Variants in MINDY2 observed in about 807,000 individuals in gnomAD.
MINDY2 encodes the protein MINDY lysine 48 deubiquitinase 2, also known as ubiquitin carboxyl-terminal hydrolase MINDY-2.
In MINDY2, 52 loss-of-function variants were observed where a neutral mutation model predicts 68.2. The ratio of observed to expected loss-of-function variants is 0.76; its 90% CI spans 0.61 to 0.96. The LOEUF is 0.96. Among genes scored for constraint, MINDY2 ranks in the 40% least tolerant of loss-of-function variants. MINDY2 has a pLI of 0.00. For synonymous variants in MINDY2, 372 were observed against 303.0 expected, an observed-to-expected ratio of 1.23 and a Z score of -2.36; for missense variants, 881 against 773.4, an observed-to-expected ratio of 1.14 and a Z score of -1.65.
chr15:58,847,673 G>A (rs1457686836), intron 7 of MINDY2, among the ~76,000 whole-genome samples: 1 of 152,222 alleles, frequency 6.6e-6, no homozygotes, highest in African/African-American at 2.4e-5. Context: ...ATATTGAACT[G>A]TGAAGGTCAT....
intron 1 of MINDY2, among the ~76,000 whole-genome samples, chr15:58,777,237 T>C (rs1429682607): frequency 6.6e-6 from 1 of 152,212 alleles, no homozygotes; most frequent in Non-Finnish European, 1.5e-5. Context: ...AGACTTGGGC[T>C]TTTCTTTCAA....
In MINDY2 at chr15:58,847,453, C is replaced by T. The variant is rs750358484; in HGVS notation, c.1525C>T (p.Gln509Ter). Residue 509 changes from glutamine to a stop codon, truncating the protein, a stop_gained, in exon 7 of 9, where the codon CAA (glutamine) becomes TAA (stop). Coordinates refer to ENST00000559228, the MANE Select transcript of MINDY2 (RefSeq NM_001040450.3). LOFTEE classifies it high-confidence loss of function. Reference protein sequence around the residue: ...SDPETVYKGQQDQIDQDYLMA... With the variant: ...SDPETVYKGQ Reference sequence around the variant, plus strand: ...TCCTGAAACTGTATACAAAGGACAACAAGATCAGATAGATCAGGTAAATTT... The same window carrying T: ...TCCTGAAACTGTATACAAAGGACAATAAGATCAGATAGATCAGGTAAATTT... 6.4e-7 allele frequency: 1 copy of T among 1,572,380 alleles called. No homozygotes were observed. The highest frequency in any genetic ancestry group is 1.7e-5 in the Admixed American group (1 of 59,422).
chr15:58,818,045 T>C (rs2030817578), intron 4 of MINDY2, among the ~76,000 whole-genome samples: 1 of 152,252 alleles, frequency 6.6e-6, no homozygotes, highest in African/African-American at 2.4e-5. Flanking sequence ...TTCTATGGAA[T>C]ACTGTACTAC....
chr15:58,782,249 G>A (rs1305156076), intron 1 of MINDY2, among the ~76,000 whole-genome samples: 1 of 151,888 alleles, frequency 6.6e-6, no homozygotes, highest in Non-Finnish European at 1.5e-5. Context: ...ATATATTCAT[G>A]CTGAATATAT....
chr15:58,810,215 C>T lies in MINDY2; in HGVS notation c.964-15C>T, dbSNP rs1299312777. On this transcript the variant is annotated splice_polypyrimidine_tract_variant and intron_variant, in intron 3 of 8. Coordinates refer to ENST00000559228, the MANE Select transcript of MINDY2 (RefSeq NM_001040450.3). ...GATGTTTCTGAATTAGAACTTTCCCCTTTTCTATTTTCAGAATATGAGTGA... is the reference window on the plus strand; with the variant it reads ...GATGTTTCTGAATTAGAACTTTCCCTTTTTCTATTTTCAGAATATGAGTGA... 6.3e-7 allele frequency: 1 copy of T among 1,584,214 alleles called. No homozygotes were observed. The highest frequency in any genetic ancestry group is 8.6e-7 in the Non-Finnish European group (1 of 1,166,238).
intron 1 of MINDY2, among the ~76,000 whole-genome samples, chr15:58,775,711 G>A (rs1222637240): frequency 2.0e-5 from 3 of 152,164 alleles, no homozygotes; most frequent in Admixed American, 2.0e-4. Context: ...TCCAAAGATA[G>A]GGAAGGTATG....
chr15:58,845,886 C>A (rs1274515733), intron 6 of MINDY2, among the ~76,000 whole-genome samples: 2 of 152,158 alleles, frequency 1.3e-5, no homozygotes, highest in Non-Finnish European at 2.9e-5. Flanking sequence ...GACATCCTGT[C>A]AAATGCAACA....
intron 2 of MINDY2, among the ~76,000 whole-genome samples, chr15:58,799,688 A>T (rs1370552732): frequency 6.6e-6 from 1 of 152,166 alleles, no homozygotes; most frequent in East Asian, 1.9e-4. Flanking sequence ...TTTGATTGGC[A>T]AAGGTTAGAG....
intron 2 of MINDY2, among the ~76,000 whole-genome samples, chr15:58,799,565 C>G (rs1311613745): frequency 1.5e-5 from 2 of 130,130 alleles, no homozygotes; most frequent in African/African-American, 6.3e-5. Context: ...GGCGACAGAG[C>G]GAGACTCCAT....
At chr15:58,783,309 A>T (rs1486963579) in intron 1 of MINDY2, among the ~76,000 whole-genome samples, 4 of 152,168 alleles carry the variant, frequency 2.6e-5, no homozygotes, top group African/African-American at 4.8e-5. Context: ...GAGGTGTTGG[A>T]ACTCAAACTG....
rs369645565 is a variant in MINDY2, at chr15:58,831,015, T to TTGTG, written c.1226-735_1226-732dup. Among the ~76,000 whole-genome samples the TTGTG allele has an allele frequency of 4.6e-3, 611 of 133,502 alleles. 12 individuals carry two copies. Among genetic ancestry groups the TTGTG allele is most frequent in the African/African-American group, 0.012 (399 of 32,530 alleles). 87.6% of individuals were successfully genotyped at this position (133,502 alleles called of 152,430 possible). The stretch of plus-strand genomic sequence containing the variant: ...GATCGATTGTGTATATGAAGATCAG[T>TTGTG]TGTGTGTGTGTGTGTGTGTGTGTGT... On this transcript the variant is annotated intron_variant, in intron 5 of 8. Coordinates refer to ENST00000559228, the MANE Select transcript of MINDY2 (RefSeq NM_001040450.3).
At chr15:58,851,470 T>C (rs1310759132) in intron 7 of MINDY2, among the ~76,000 whole-genome samples, 8 of 152,026 alleles carry the variant, frequency 5.3e-5, no homozygotes, top group Non-Finnish European at 1.0e-4. Flanking sequence ...ACAGGGTCTC[T>C]CTCTGTCACC....
Position 58,847,447 on chromosome 15 carries a change from G to A in MINDY2, c.1519G>A (p.Gly507Arg). Residue 507 changes from glycine (G) to arginine (R), a missense_variant, in exon 7 of 9, where the codon GGA becomes AGA. Gly to Arg is a moderately radical substitution (Grantham distance 125, BLOSUM62 -2). Coordinates refer to ENST00000559228, the MANE Select transcript of MINDY2 (RefSeq NM_001040450.3). ...PPSDPETVYK[G>R]QQDQIDQDYL... ...TTCAGATCCTGAAACTGTATACAAA[G>A]GACAACAAGATCAGATAGATCAGGT... 2 of 1,580,520 alleles carry A rather than the reference G, an allele frequency of 1.3e-6. No homozygotes were observed. Among genetic ancestry groups the A allele is most frequent in the East Asian group, 2.3e-5 (1 of 44,284 alleles).
In MINDY2 at chr15:58,813,032, T is replaced by G. The variant is rs1014537692; in HGVS notation, c.1122+2644T>G. ...CTCCATTTCTATAATTTTGTTATTT[T>G]GAGAATATTATATACAGTGTGTAAT... On this transcript the variant is annotated intron_variant, in intron 4 of 8. Coordinates refer to ENST00000559228, the MANE Select transcript of MINDY2 (RefSeq NM_001040450.3). Among the ~76,000 whole-genome samples, 4 of 152,340 alleles carry G rather than the reference T, an allele frequency of 2.6e-5. No homozygotes were observed. In the East Asian group the frequency reaches 7.7e-4, roughly 29 times the overall value.
intron 2 of MINDY2, among the ~76,000 whole-genome samples, chr15:58,795,125 G>C (rs1398464154): frequency 3.3e-5 from 5 of 151,850 alleles, no homozygotes; most frequent in African/African-American, 1.2e-4. Flanking sequence ...GCAGTGTACC[G>C]AGATCGCGCT....
chr15:58,844,089 T>C (rs140538841), intron 6 of MINDY2, among the ~76,000 whole-genome samples: 5 of 152,232 alleles, frequency 3.3e-5, no homozygotes, highest in African/African-American at 7.2e-5. Flanking sequence ...TAAGAAAGCA[T>C]TGACTGCATA....
intron 5 of MINDY2, among the ~76,000 whole-genome samples, chr15:58,823,910 A>G (rs144639525): frequency 2.6e-5 from 4 of 152,366 alleles, no homozygotes; most frequent in Admixed American, 1.3e-4. Context: ...TCTCATTACC[A>G]TAGATAATTA....
chr15:58,779,835 G>C (rs1453464410), intron 1 of MINDY2, among the ~76,000 whole-genome samples: 1 of 152,126 alleles, frequency 6.6e-6, no homozygotes, highest in East Asian at 1.9e-4. Context: ...TGATAGATGT[G>C]TTCATTTTTT....
Position 58,771,751 on chromosome 15 carries a change from T to C in MINDY2, c.356T>C (p.Val119Ala), listed in dbSNP as rs374853839. The change falls in exon 1 of 9, where the codon GTG becomes GCG. Residue 119 changes from valine (V) to alanine (A), a missense_variant. Transcript: ENST00000559228. ...TASPETAVAG[V>A]GHELGTAGDA... ...TCCCCGGAGACAGCCGTGGCCGGAG[T>C]GGGTCATGAGTTGGGTACCGCCGGA... 2.5e-6 allele frequency: 4 copies of C among 1,609,590 alleles called. No individual in the cohort carries two copies. The African/African-American group carries it at 5.4e-5, about 22-fold the overall frequency.
Sources: allele counts gnomAD v4.1 joint callset (sites outside exome capture counted in the v4.1 genomes callset), GRCh38; gene constraint gnomAD v4.1.1; transcripts MANE v1.5; gene names NCBI Gene and HGNC (gene_info 2026-07-23, HGNC 2026-07-21).